The following RBFOX1 variants were observed in gnomAD, a reference collection of about 807,000 sequenced individuals.
RBFOX1 encodes RNA binding protein fox-1 homolog 1.
Under a neutral mutation model 57.7 loss-of-function variants are expected in RBFOX1, and 8 were observed. The observed-to-expected ratio is 0.14, with a 90% CI of 0.08 to 0.25. The LOEUF (loss-of-function observed/expected upper bound fraction) is 0.25. Ranked by LOEUF, RBFOX1 falls within the 10% of genes least tolerant of loss-of-function variation. The pLI is 1.00. For synonymous variants in RBFOX1, 326 were observed against 222.4 expected, an observed-to-expected ratio of 1.47 and a Z score of -4.15; for missense variants, 611 against 548.5, an observed-to-expected ratio of 1.11 and a Z score of -1.14.
At chr16:6,635,618 T>C (rs75823489) in intron 2 of RBFOX1, among the ~76,000 whole-genome samples, 29 of 152,210 alleles carry the variant, frequency 1.9e-4, no homozygotes, top group Middle Eastern at 3.4e-3. Flanking sequence ...CATACTAGAA[T>C]ATGAGTCTAG....
At chr16:7,327,576 C>T (rs886543796) in intron 4 of RBFOX1, among the ~76,000 whole-genome samples, 3 of 152,144 alleles carry the variant, frequency 2.0e-5, no homozygotes, top group African/African-American at 7.2e-5. Context: ...TTGTTTTGTT[C>T]TGTTTTGATA....
intron 3 of RBFOX1, among the ~76,000 whole-genome samples, chr16:5,764,052 C>G (rs1176075522): frequency 6.6e-6 from 1 of 152,158 alleles, no homozygotes; most frequent in East Asian, 1.9e-4. Context: ...TCACATCACA[C>G]ACACCGTAGG....
chr16:6,179,237 G>A (rs4786831), intron 1 of RBFOX1, among the ~76,000 whole-genome samples: 16,337 of 152,178 alleles, frequency 0.11, 1,158 homozygotes, highest in Non-Finnish European at 0.15. Flanking sequence ...ATCCAACGCC[G>A]AGGGTCCCAG....
At chr16:6,630,860 CA>C (rs1334127618) in intron 2 of RBFOX1, among the ~76,000 whole-genome samples, 1 of 152,152 alleles carries the variant, frequency 6.6e-6, no homozygotes, top group African/African-American at 2.4e-5. Flanking sequence ...CCTCAAACCC[CA>C]AGGACCAGGA....
At chr16:6,571,609 CCT>C (rs2097345665) in intron 2 of RBFOX1, among the ~76,000 whole-genome samples, 1 of 152,074 alleles carries the variant, frequency 6.6e-6, no homozygotes, top group African/African-American at 2.4e-5. Flanking sequence ...TTCTAGGAAT[CCT>C]TACCTGTAAT....
At chr16:6,964,532 A>C (rs1163253618) in intron 3 of RBFOX1, among the ~76,000 whole-genome samples, 1 of 152,168 alleles carries the variant, frequency 6.6e-6, no homozygotes, top group Non-Finnish European at 1.5e-5. Flanking sequence ...TTAAGGGTGA[A>C]GCTATGCCTG....
intron 2 of RBFOX1, among the ~76,000 whole-genome samples, chr16:6,621,498 G>C (rs1449094673): frequency 6.7e-6 from 1 of 149,576 alleles, no homozygotes; most frequent in Admixed American, 6.7e-5. Context: ...CAACAAAACA[G>C]TAGTCATTAG....
intron 4 of RBFOX1, among the ~76,000 whole-genome samples, chr16:7,131,341 C>CTTTTT (rs34213849): frequency 1.7e-4 from 12 of 71,758 alleles, no homozygotes; most frequent in South Asian, 6.6e-4. Context: ...GCGAGACTGT[C>CTTTTT]TTTTTTTTTT....
At chr16:7,409,302 G>A (rs890974552) in intron 4 of RBFOX1, among the ~76,000 whole-genome samples, 2 of 152,180 alleles carry the variant, frequency 1.3e-5, no homozygotes, top group African/African-American at 2.4e-5. Flanking sequence ...GTTCTGAACC[G>A]TTCAGTAACA....
chr16:7,141,086 G>A (rs1405136126), intron 4 of RBFOX1, among the ~76,000 whole-genome samples: 1 of 152,144 alleles, frequency 6.6e-6, no homozygotes, highest in African/African-American at 2.4e-5. Flanking sequence ...ATGAGCTGGG[G>A]TGGTTTCTGA....
chr16:6,256,223 A>G lies in RBFOX1; in HGVS notation c.-126-60772A>G, dbSNP rs376261125. Among the ~76,000 whole-genome samples the G allele has an allele frequency of 2.2e-3, 245 of 108,954 alleles. 4 individuals are homozygous for G. Among genetic ancestry groups the G allele is most frequent in the African/African-American group, 4.6e-3 (131 of 28,730 alleles). The allele number at this position is 108,954 out of a possible 152,430, so 71.5% of individuals were successfully genotyped here. On this transcript the variant is annotated intron_variant, in intron 1 of 15. Transcript: ENST00000550418. ...TATATGTATATGTGTATATATATGTATATATATATGTGTATATATATATGT... is the reference window on the plus strand; with the variant it reads ...TATATGTATATGTGTATATATATGTGTATATATATGTGTATATATATATGT...
chr16:6,152,929 C>G (rs374589050), intron 1 of RBFOX1, among the ~76,000 whole-genome samples: 29 of 152,014 alleles, frequency 1.9e-4, no homozygotes, highest in Admixed American at 3.9e-4. Flanking sequence ...GTTTTAAGAG[C>G]TAGCTCAGTG....
intron 4 of RBFOX1, among the ~76,000 whole-genome samples, chr16:7,442,359 CAG>C (rs1226798069): frequency 1.4e-4 from 22 of 152,106 alleles, no homozygotes; most frequent in Admixed American, 6.5e-5. Flanking sequence ...AAGGAGAAGA[CAG>C]AGATCATTTT....
intron 3 of RBFOX1, among the ~76,000 whole-genome samples, chr16:6,935,489 C>G (rs2077212100): frequency 6.6e-6 from 1 of 152,108 alleles, no homozygotes; most frequent in Non-Finnish European, 1.5e-5. Context: ...TGTCTTAAGC[C>G]ATTACATTTC....
At chr16:5,401,619 A>G (rs889743926) in intron 1 of RBFOX1, among the ~76,000 whole-genome samples, 2 of 152,236 alleles carry the variant, frequency 1.3e-5, no homozygotes, top group Admixed American at 6.5e-5. Context: ...GGCATAAACT[A>G]TAAGTTTACA....
At chr16:6,488,847 A>G (rs1388233209) in intron 2 of RBFOX1, among the ~76,000 whole-genome samples, 2 of 152,196 alleles carry the variant, frequency 1.3e-5, no homozygotes, top group African/African-American at 4.8e-5. Flanking sequence ...CAACAGTGCC[A>G]CAGCTGAGTA....
intron 3 of RBFOX1, among the ~76,000 whole-genome samples, chr16:5,634,093 A>G (rs1296938102): frequency 6.6e-6 from 1 of 152,198 alleles, no homozygotes; most frequent in African/African-American, 2.4e-5. Context: ...TCCAACTTCC[A>G]AATGATCCTT....
chr16:5,282,085 C>G (rs986627432), intron 1 of RBFOX1, among the ~76,000 whole-genome samples: 6 of 152,102 alleles, frequency 3.9e-5, no homozygotes, highest in African/African-American at 9.7e-5. Flanking sequence ...GGCGGCAGGT[C>G]TTTACCATGC....
At chr16:7,389,014 C>T (rs1009227617) in intron 4 of RBFOX1, among the ~76,000 whole-genome samples, 2 of 152,150 alleles carry the variant, frequency 1.3e-5, no homozygotes, top group African/African-American at 2.4e-5. Context: ...AAGTGTGATA[C>T]AAGTTCTTTG....
Sources: gnomAD v4.1 joint callset for allele counts (sites outside exome capture counted in the v4.1 genomes callset) on GRCh38, gnomAD v4.1.1 for gene constraint, MANE v1.5 for transcripts, NCBI Gene and HGNC (gene_info 2026-07-23, HGNC 2026-07-21) for gene names.